Variants in MRPS21 observed in about 807,000 individuals in gnomAD.
MRPS21 encodes the protein small ribosomal subunit protein bS21m.
MRPS21 carries 8 observed loss-of-function variants against 9.9 expected under a neutral mutation model. The observed-to-expected ratio is 0.81, with a 90% confidence interval of 0.47 to 1.45. The LOEUF is 1.45. MRPS21 is among the 40% of genes most tolerant of loss of function. The pLI, the probability that MRPS21 is intolerant of heterozygous loss-of-function variation, is 0.00. For synonymous variants in MRPS21, 40 were observed against 40.3 expected, an observed-to-expected ratio of 0.99 and a Z score of 0.03; for missense variants, 101 against 118.9, an observed-to-expected ratio of 0.85 and a Z score of 0.70.
At chr1:150,299,910 C>T (rs587689258) in intron 2 of MRPS21, among the ~76,000 whole-genome samples, 1 of 152,146 alleles carries the variant, frequency 6.6e-6, no homozygotes, top group South Asian at 2.1e-4. Flanking sequence ...ACCTAGGGAA[C>T]GAACCATCAA....
chr1:150,304,326 G>T (rs1654248104), intron 2 of MRPS21: 1 of 210,764 alleles, frequency 4.7e-6, no homozygotes, highest in Non-Finnish European at 9.6e-6. Context: ...AAAAAAAAAT[G>T]GTGCCATGGT....
chr1:150,306,993 G>A (rs1283489029), intron 2 of MRPS21, among the ~76,000 whole-genome samples: 1 of 151,840 alleles, frequency 6.6e-6, no homozygotes, highest in African/African-American at 2.4e-5. Flanking sequence ...ACATAACTTT[G>A]ACTATAAACT....
chr1:150,307,348 C>CTTTTT (rs1572154026), intron 2 of MRPS21, among the ~76,000 whole-genome samples: 7,041 of 86,778 alleles, frequency 0.081, 876 homozygotes, highest in African/African-American at 0.11. Flanking sequence ...GTGCCCAGTC[C>CTTTTT]TTTTTTTTTT....
chr1:150,299,407 A>G (rs1348940049), intron 2 of MRPS21, among the ~76,000 whole-genome samples: 7 of 144,316 alleles, frequency 4.9e-5, no homozygotes, highest in Admixed American at 2.9e-4. Flanking sequence ...AATTTAATCA[A>G]CACTCAGTTT....
In MRPS21 at chr1:150,301,308, C is replaced by T. The variant is rs1277025820; in HGVS notation, c.84-6740C>T. On this transcript the variant is annotated intron_variant, in intron 2 of 2. Transcript: ENST00000614145. ...CAAGATGGCGCCATTGCACTCCAAC[C>T]TGGGGGACGAGAGCGAGACTTCGTC... 2.1e-5 allele frequency: 6 copies of T among 284,318 alleles called. No homozygotes were observed. The East Asian group carries it at 9.5e-4, about 45-fold the overall frequency. 17.6% of individuals were successfully genotyped at this position (284,318 alleles called of 1,614,324 possible).
intron 2 of MRPS21, among the ~76,000 whole-genome samples, chr1:150,306,764 G>GA (rs1654346753): frequency 6.6e-6 from 1 of 152,096 alleles, no homozygotes; most frequent in Admixed American, 6.6e-5. Flanking sequence ...CACAGTGCTG[G>GA]AATTACAGGT....
At chr1:150,302,282 G>C (rs1654166042) in intron 2 of MRPS21, among the ~76,000 whole-genome samples, 1 of 152,158 alleles carries the variant, frequency 6.6e-6, no homozygotes, top group African/African-American at 2.4e-5. Flanking sequence ...TGTCTGTCCA[G>C]TGAGGCCACC....
chr1:150,301,340 G>GAA (rs781829883), intron 2 of MRPS21: 682 of 278,524 alleles, frequency 2.4e-3, no homozygotes, highest in South Asian at 4.4e-3. Context: ...CGTCTCAAAA[G>GAA]AAAAAAAATT....
intron 2 of MRPS21, among the ~76,000 whole-genome samples, chr1:150,306,620 C>T (rs1356026640): frequency 6.6e-6 from 1 of 151,948 alleles, no homozygotes; most frequent in Non-Finnish European, 1.5e-5. Context: ...CTCAGCCTTC[C>T]GAGTAGCTGG....
intron 2 of MRPS21, chr1:150,304,083 G>A (rs1654237186): frequency 5.3e-6 from 2 of 376,426 alleles, no homozygotes; most frequent in Admixed American, 3.0e-5. Flanking sequence ...GGCCGAGGTG[G>A]GTGGATCACC....
Position 150,308,321 on chromosome 1 carries a change from T to G in MRPS21, c.*93T>G. ...AATCCCATTTCCTATTACCATTCTC[T>G]GCAATAAACTCAAATCACATGTCTG... On this transcript the variant is annotated 3_prime_UTR_variant, in exon 3 of 3. Coordinates refer to ENST00000614145, the MANE Select transcript of MRPS21 (RefSeq NM_031901.6). The G allele has an allele frequency of 1.5e-6, 2 of 1,303,662 alleles. No individual in the cohort carries two copies. Among genetic ancestry groups the G allele is most frequent in the South Asian group, 1.6e-5 (1 of 62,666 alleles). The allele number at this position is 1,303,662 out of a possible 1,614,324, so 80.8% of individuals were successfully genotyped here.
At chr1:150,298,134 G>C (rs1425750542) in intron 2 of MRPS21, among the ~76,000 whole-genome samples, 1 of 152,034 alleles carries the variant, frequency 6.6e-6, no homozygotes, top group African/African-American at 2.4e-5. Flanking sequence ...GGTTTCTCCA[G>C]GTTAGTCAGG....
At chr1:150,295,840 C>A (rs1286346972) in intron 2 of MRPS21, among the ~76,000 whole-genome samples, 3 of 151,866 alleles carry the variant, frequency 2.0e-5, no homozygotes, top group Non-Finnish European at 4.4e-5. Flanking sequence ...AAAGATACAG[C>A]ATAAGGAAAA....
chr1:150,299,109 C>T (rs1553857117), intron 2 of MRPS21, among the ~76,000 whole-genome samples: 2 of 152,196 alleles, frequency 1.3e-5, no homozygotes, highest in African/African-American at 4.8e-5. Flanking sequence ...CCAGCTACTC[C>T]GTAGGCTGAG....
rs73013129 is a variant in MRPS21, at chr1:150,308,969, T to C, written c.*741T>C. ...TTGTGTTTTACTACAATAAAAACTTTTTTGAAAGTCCAGGAGAAGTAAGGA... is the reference window on the plus strand; with the variant it reads ...TTGTGTTTTACTACAATAAAAACTTCTTTGAAAGTCCAGGAGAAGTAAGGA... On this transcript the variant is annotated 3_prime_UTR_variant, in exon 3 of 3. Coordinates refer to ENST00000614145, the MANE Select transcript of MRPS21 (RefSeq NM_031901.6). 0.047 allele frequency: 7,214 copies of C among 152,522 alleles called. 429 individuals are homozygous for C. Among genetic ancestry groups the C allele is most frequent in the African/African-American group, 0.13 (5,449 of 40,922 alleles). 9.4% of individuals were successfully genotyped at this position (152,522 alleles called of 1,614,324 possible).
chr1:150,299,181 A>C (rs1553857134), intron 2 of MRPS21, among the ~76,000 whole-genome samples: 1 of 152,144 alleles, frequency 6.6e-6, no homozygotes, highest in South Asian at 2.1e-4. Flanking sequence ...TCATATATGG[A>C]ATGCATCCCC....
chr1:150,296,356 T>C (rs1653915813), intron 2 of MRPS21, among the ~76,000 whole-genome samples: 1 of 152,244 alleles, frequency 6.6e-6, no homozygotes, highest in Non-Finnish European at 1.5e-5. Flanking sequence ...CGCGTCATTT[T>C]CTTTCCCCAA....
chr1:150,307,348 C>CTTTTTTTTTTTTTTTTTTTTTTT (rs1572154026), intron 2 of MRPS21, among the ~76,000 whole-genome samples: 1 of 87,552 alleles, frequency 1.1e-5, no homozygotes, highest in African/African-American at 4.4e-5. Context: ...GTGCCCAGTC[C>CTTTTTTTTTTTTTTTTTTTTTTT]TTTTTTTTTT....
rs1240258352 is a variant in MRPS21 at position 150,294,191 on chromosome 1, TTTC to T, written c.-32-142_-32-140del. The T allele has an allele frequency of 2.6e-5, 15 of 581,746 alleles. No individual in the cohort carries two copies. In the Admixed American group the frequency reaches 3.1e-4, roughly 12 times the overall value. 36.0% of individuals were successfully genotyped at this position (581,746 alleles called of 1,614,324 possible). The stretch of plus-strand genomic sequence containing the variant: ...ATAAGAGACAACGATTCACGTCTAC[TTTC>T]TAGGATGACTTCCATGTGCTCCATC... On this transcript the variant is annotated intron_variant, in intron 1 of 2. Transcript: ENST00000614145.
Sources: gnomAD v4.1 joint callset for allele counts (sites outside exome capture counted in the v4.1 genomes callset) on GRCh38, gnomAD v4.1.1 for gene constraint, MANE v1.5 for transcripts, NCBI Gene and HGNC (gene_info 2026-07-23, HGNC 2026-07-21) for gene names.